RTL4: variants seen among roughly 807,000 people sequenced by gnomAD.
RTL4 encodes retrotransposon Gag like 4, also known as retrotransposon Gag-like protein 4.
A neutral mutation model predicts 5.3 loss-of-function variants in RTL4; 4 were observed. That is an observed-to-expected ratio of 0.75 (90% CI 0.37 to 1.72). RTL4 has a LOEUF of 1.72. Among genes scored for constraint, RTL4 ranks in the 40% most tolerant of loss-of-function variants. The pLI is 0.04. For synonymous variants in RTL4, 98 were observed against 87.3 expected (o/e 1.12, Z -0.68); for missense variants, 260 against 227.1 (o/e 1.14, Z -0.93).
At chrX:112,405,359 C>T in the RTL4 span, among the ~76,000 whole-genome samples, 2 of 111,989 alleles carry the variant, frequency 1.8e-5, no homozygotes, top group African/African-American at 3.2e-5. Context: ...AACCCCAACA[C>T]ATAAAGGTGT....
At chrX:112,364,256 T>C in the RTL4 span, among the ~76,000 whole-genome samples, 4 of 111,487 alleles carry the variant, frequency 3.6e-5, no homozygotes, top group African/African-American at 1.3e-4. Flanking sequence ...ATAGAGGCCA[T>C]TGTTTAGGTG....
the RTL4 span, among the ~76,000 whole-genome samples, chrX:112,207,707 T>C: frequency 9.2e-5 from 10 of 109,045 alleles, no homozygotes; most frequent in Non-Finnish European, 3.8e-5. Context: ...AAAATAAAAT[T>C]GCTCTGGTGA....
chrX:112,090,013 C>G, the RTL4 span, among the ~76,000 whole-genome samples: 2 of 111,202 alleles, frequency 1.8e-5, no homozygotes, highest in South Asian at 7.4e-4. Context: ...CTATTGATTA[C>G]TAAATTGTTT....
the RTL4 span, among the ~76,000 whole-genome samples, chrX:112,418,312 A>G: frequency 8.9e-6 from 1 of 111,761 alleles, no homozygotes; most frequent in African/African-American, 3.2e-5. Context: ...AGATTTAGGG[A>G]AGGAAACACG....
chrX:112,146,151 A>AT, the RTL4 span, among the ~76,000 whole-genome samples: 1 of 111,807 alleles, frequency 8.9e-6, no homozygotes, highest in African/African-American at 3.3e-5. Flanking sequence ...TTAGCCTAAG[A>AT]TTTTAGCAAT....
the RTL4 span, among the ~76,000 whole-genome samples, chrX:112,322,258 G>T: frequency 9.0e-6 from 1 of 110,951 alleles, no homozygotes; most frequent in Non-Finnish European, 1.9e-5. Context: ...CTTAACCAAG[G>T]TCATTCTTCT....
the RTL4 span, among the ~76,000 whole-genome samples, chrX:112,400,924 C>T: frequency 9.0e-6 from 1 of 111,357 alleles, no homozygotes; most frequent in South Asian, 3.8e-4. Flanking sequence ...GTCTCTTCAA[C>T]TCAAGGAGAT....
At chrX:112,368,252 AGAAGGTGGATTTGAAAAATATTTT>A in the RTL4 span, among the ~76,000 whole-genome samples, 3 of 111,262 alleles carry the variant, frequency 2.7e-5, no homozygotes, top group African/African-American at 9.8e-5. Context: ...GTTAGTGAAG[AGAAGGTGGATTTGAAAAATATTTT>A]GAACACGCTG....
chrX:112,270,412 G>A, the RTL4 span, among the ~76,000 whole-genome samples: 1 of 111,823 alleles, frequency 8.9e-6, no homozygotes, highest in Non-Finnish European at 1.9e-5. Context: ...ACATAATGAG[G>A]AGCAGGATAC....
At chrX:112,321,990 T>C in the RTL4 span, among the ~76,000 whole-genome samples, 1 of 112,377 alleles carries the variant, frequency 8.9e-6, no homozygotes, top group Non-Finnish European at 1.9e-5. Context: ...AACATTAATT[T>C]ATCAGCGACT....
the RTL4 span, among the ~76,000 whole-genome samples, chrX:112,200,684 G>A: frequency 8.9e-6 from 1 of 112,100 alleles, no homozygotes; most frequent in Non-Finnish European, 1.9e-5. Flanking sequence ...ACCAAAGTTA[G>A]TGAGGTGATC....
chrX:112,381,064 G>A, the RTL4 span, among the ~76,000 whole-genome samples: 1 of 111,534 alleles, frequency 9.0e-6, no homozygotes, highest in Non-Finnish European at 1.9e-5. Flanking sequence ...GACTGGAGCA[G>A]GGTGCAGCCT....
the RTL4 span, among the ~76,000 whole-genome samples, chrX:112,341,938 A>C: frequency 9.0e-6 from 1 of 111,530 alleles, no homozygotes; most frequent in Admixed American, 9.5e-5. Context: ...CTGATCCACT[A>C]TAGTACACGG....
chrX:112,215,850 GT>G, the RTL4 span, among the ~76,000 whole-genome samples: 1 of 111,548 alleles, frequency 9.0e-6, no homozygotes, highest in East Asian at 2.8e-4. Context: ...TCTAAGCTTA[GT>G]TTTTTTAAGA....
chrX:112,238,642 A>G, the RTL4 span, among the ~76,000 whole-genome samples: 3 of 111,725 alleles, frequency 2.7e-5, no homozygotes, highest in African/African-American at 9.8e-5. Context: ...AAGAAAGCAG[A>G]CTGCCTTAGG....
At chrX:112,398,977 A>G in the RTL4 span, among the ~76,000 whole-genome samples, 1 of 112,335 alleles carries the variant, frequency 8.9e-6, no homozygotes, top group Non-Finnish European at 1.9e-5. Context: ...TGTGAAGTTA[A>G]TTCCTTTAAA....
chrX:112,102,184 A>G, the RTL4 span, among the ~76,000 whole-genome samples: 1 of 111,591 alleles, frequency 9.0e-6, no homozygotes, highest in African/African-American at 3.3e-5. Context: ...AATTTCATCC[A>G]TACAAGAATC....
chrX:112,217,762 G>A, the RTL4 span, among the ~76,000 whole-genome samples: 2,382 of 111,773 alleles, frequency 0.021, 23 homozygotes, highest in Middle Eastern at 0.051. Context: ...CCTAGGTGGC[G>A]TAATTCGAAT....
At chrX:112,141,332 C>T in the RTL4 span, among the ~76,000 whole-genome samples, 1 of 111,777 alleles carries the variant, frequency 8.9e-6, no homozygotes, top group African/African-American at 3.2e-5. Context: ...GAATTTTCTA[C>T]ATAAATATTT....
Sources: gnomAD v4.1 joint callset for allele counts (sites outside exome capture counted in the v4.1 genomes callset) on GRCh38, gnomAD v4.1.1 for gene constraint, MANE v1.5 for transcripts, NCBI Gene and HGNC (gene_info 2026-07-23, HGNC 2026-07-21) for gene names.